LINGO1: variants seen among roughly 807,000 people sequenced by gnomAD.
LINGO1 encodes the protein leucine rich repeat and Ig domain containing 1, also known as leucine-rich repeat and immunoglobulin-like domain-containing nogo receptor-interacting protein 1.
LINGO1 carries 11 observed loss-of-function variants against 37.3 expected under a neutral mutation model. That is an observed-to-expected ratio of 0.29 (90% CI 0.19 to 0.49). The LOEUF is 0.49. LINGO1 is among the 20% of genes least tolerant of loss of function. The pLI, the probability that LINGO1 is intolerant of heterozygous loss-of-function variation, is 0.99. For missense variants in LINGO1, 585 were observed against 878.2 expected, an observed-to-expected ratio of 0.67 and a Z score of 4.22; for synonymous variants, 387 against 403.0, an observed-to-expected ratio of 0.96 and a Z score of 0.48.
chr15:77,739,237 T>C (rs1415413159), intron 1 of LINGO1, among the ~76,000 whole-genome samples: 1 of 152,236 alleles, frequency 6.6e-6, no homozygotes, highest in Non-Finnish European at 1.5e-5. Context: ...CAGGGAGTTT[T>C]TTCCTTTCGC....
chr15:77,796,489 T>G (rs1429058779), intron 1 of LINGO1, among the ~76,000 whole-genome samples: 1 of 152,224 alleles, frequency 6.6e-6, no homozygotes, highest in African/African-American at 2.4e-5. Flanking sequence ...CTGCCAGGAC[T>G]GCTGGGAAGA....
At chr15:77,690,108 G>T (rs564283710) in intron 2 of LINGO1, among the ~76,000 whole-genome samples, 2 of 152,288 alleles carry the variant, frequency 1.3e-5, no homozygotes. Context: ...CCTAGTTGGG[G>T]AGGGGTCTCC....
At chr15:77,627,045 G>A in intron 1 of LINGO1, among the ~76,000 whole-genome samples, 1 of 149,610 alleles carries the variant, frequency 6.7e-6, no homozygotes, top group Non-Finnish European at 1.5e-5. Flanking sequence ...GGCGAGAGCA[G>A]GTTCTCTGCA....
At chr15:77,801,291 CAAATA>C (rs2076916445) in intron 1 of LINGO1, among the ~76,000 whole-genome samples, 1 of 152,130 alleles carries the variant, frequency 6.6e-6, no homozygotes, top group South Asian at 2.1e-4. Flanking sequence ...AGAGAAAGTT[CAAATA>C]AAATATAGCA....
At chr15:77,695,715 G>T (rs553385107) in intron 1 of LINGO1, among the ~76,000 whole-genome samples, 2 of 152,266 alleles carry the variant, frequency 1.3e-5, no homozygotes, top group African/African-American at 2.4e-5. Flanking sequence ...CCTGGCTGGA[G>T]TGTCCAGCCA....
At chr15:77,769,706 C>T (rs753335060) in intron 1 of LINGO1, among the ~76,000 whole-genome samples, 4 of 152,128 alleles carry the variant, frequency 2.6e-5, no homozygotes, top group Admixed American at 1.3e-4. Context: ...CAGTGCTGGA[C>T]GGCTGTTTAT....
intron 2 of LINGO1, chr15:77,707,257 C>T (rs2075864200): frequency 6.6e-6 from 1 of 152,138 alleles, no homozygotes; most frequent in Non-Finnish European, 1.5e-5. Flanking sequence ...TCTGCTCCAC[C>T]CCACATTAGG....
At chr15:77,794,293 TGTATATATATAC>T (rs2076841156) in intron 2 of LINGO1, among the ~76,000 whole-genome samples, 1 of 91,906 alleles carries the variant, frequency 1.1e-5, no homozygotes, top group African/African-American at 4.4e-5. Flanking sequence ...TATATATGTA[TGTATATATATAC>T]ATATATGTGT....
At chr15:77,776,374 C>T (rs2076638879) in intron 1 of LINGO1, among the ~76,000 whole-genome samples, 1 of 150,144 alleles carries the variant, frequency 6.7e-6, no homozygotes, top group Non-Finnish European at 1.5e-5. Context: ...TTCCCTCCTG[C>T]CCTGCAAGCC....
upstream of LINGO1, among the ~76,000 whole-genome samples, chr15:77,701,290 G>A (rs761471063): frequency 4.6e-5 from 7 of 152,192 alleles, no homozygotes; most frequent in Non-Finnish European, 5.9e-5. Context: ...CTCAGTGGCT[G>A]CAGGTCATCC....
chr15:77,776,554 G>GAGGC (rs1434336471), intron 1 of LINGO1, among the ~76,000 whole-genome samples: 2 of 57,608 alleles, frequency 3.5e-5, no homozygotes, highest in Non-Finnish European at 8.3e-5. Context: ...GGGAGGGAGG[G>GAGGC]AGGGAGCTGA....
At chr15:77,655,211 T>C (rs901271654) in intron 3 of LINGO1, among the ~76,000 whole-genome samples, 2 of 152,170 alleles carry the variant, frequency 1.3e-5, no homozygotes, top group African/African-American at 4.8e-5. Context: ...GGAGGGCTGG[T>C]TGCCCCAGAC....
At chr15:77,647,921 T>C (rs2074672370) in intron 3 of LINGO1, 1 of 456,598 alleles carries the variant, frequency 2.2e-6, no homozygotes, top group Non-Finnish European at 4.4e-6. Flanking sequence ...TCCCCTTCTC[T>C]ATGAAAATTG....
chr15:77,672,924 G>C lies in LINGO1; in HGVS notation c.-13+4165C>G, dbSNP rs558347569. Among the ~76,000 whole-genome samples, 388 of 152,188 alleles carry C rather than the reference G, an allele frequency of 2.5e-3. 3 individuals are homozygous for C. The highest frequency in any genetic ancestry group is 9.0e-3 in the African/African-American group (373 of 41,510). ...CTCAACTTCCTAAATCTCTCCCCAG[G>C]CAAAGATCAATGGAATCAAACAGCG... On this transcript the variant is annotated intron_variant, in intron 3 of 3. Transcript: ENST00000559893.
chr15:77,702,835 T>C (rs2075802276), intron 2 of LINGO1, among the ~76,000 whole-genome samples: 1 of 152,214 alleles, frequency 6.6e-6, no homozygotes, highest in Non-Finnish European at 1.5e-5. Context: ...CTGTGTTCTG[T>C]GCCATACAGC....
intron 1 of LINGO1, among the ~76,000 whole-genome samples, chr15:77,622,158 G>A (rs1013930824): frequency 6.6e-6 from 1 of 152,190 alleles, no homozygotes; most frequent in African/African-American, 2.4e-5. Flanking sequence ...AGTCTGCCCA[G>A]GGCTCTGCCC....
chr15:77,764,941 C>A (rs139115051), intron 1 of LINGO1, among the ~76,000 whole-genome samples: 1 of 152,192 alleles, frequency 6.6e-6, no homozygotes, highest in East Asian at 1.9e-4. Flanking sequence ...TGCAGATGAA[C>A]CACGGCAGAT....
intron 1 of LINGO1, among the ~76,000 whole-genome samples, chr15:77,760,326 C>A (rs1487046171): frequency 2.0e-5 from 3 of 152,232 alleles, no homozygotes; most frequent in Non-Finnish European, 4.4e-5. Flanking sequence ...CTCCCGTCCC[C>A]CAGCCCCACC....
chr15:77,636,760 G>A (rs1596025750), upstream of LINGO1, among the ~76,000 whole-genome samples: 1 of 152,264 alleles, frequency 6.6e-6, no homozygotes, highest in South Asian at 2.1e-4. Flanking sequence ...CAGAAGGTGG[G>A]GGCCATGTAG....
Sources: gnomAD v4.1 joint callset for allele counts (sites outside exome capture counted in the v4.1 genomes callset) on GRCh38, gnomAD v4.1.1 for gene constraint, MANE v1.5 for transcripts, NCBI Gene and HGNC (gene_info 2026-07-23, HGNC 2026-07-21) for gene names.